The following TGFA variants were observed in gnomAD, a reference collection of about 807,000 sequenced individuals.
The protein encoded by TGFA is protransforming growth factor alpha.
Under a neutral mutation model 21.7 loss-of-function variants are expected in TGFA, and 12 were observed. The observed-to-expected ratio is 0.55, with a 90% CI of 0.35 to 0.90. The LOEUF (loss-of-function observed/expected upper bound fraction) is 0.90, where lower values mean the gene tolerates loss of function less well. Ranked by LOEUF, TGFA falls within the 40% of genes least tolerant of loss-of-function variation. The pLI is 0.01. For synonymous variants in TGFA, 79 were observed against 88.1 expected (o/e 0.90, Z 0.58); for missense variants, 178 against 210.8 (o/e 0.84, Z 0.96).
chr2:70,476,765 A>G (rs1404598884), intron 2 of TGFA, among the ~76,000 whole-genome samples: 1 of 152,228 alleles, frequency 6.6e-6, no homozygotes, highest in Non-Finnish European at 1.5e-5. Flanking sequence ...AAACTGAAGA[A>G]TACAGAGGTA....
At chr2:70,471,584 C>G (rs527928530) in intron 2 of TGFA, among the ~76,000 whole-genome samples, 2 of 152,116 alleles carry the variant, frequency 1.3e-5, no homozygotes, top group African/African-American at 4.8e-5. Context: ...CAAAGAACAC[C>G]CCAAATACCA....
chr2:70,465,179 G>A lies in TGFA; in HGVS notation c.215+437C>T, dbSNP rs142991866. 1.7e-4 allele frequency among the ~76,000 whole-genome samples: 26 copies of A among 152,274 alleles called. 1 individual carries two copies. Among genetic ancestry groups the A allele is most frequent in the African/African-American group, 6.3e-4 (26 of 41,546 alleles). ...ACACTAGCCCTTCACCTGCACTTCTGGCTTGTTTTATGAGCTGGATTGTGA... is the reference window on the plus strand; with the variant it reads ...ACACTAGCCCTTCACCTGCACTTCTAGCTTGTTTTATGAGCTGGATTGTGA... On this transcript the variant is annotated intron_variant, in intron 3 of 5. Transcript: ENST00000295400.
chr2:70,521,609 G>GTTTTTTTTTT lies in TGFA; in HGVS notation c.41-6698_41-6697insAAAAAAAAAA, dbSNP rs797022948. On this transcript the variant is annotated intron_variant, in intron 1 of 5. Coordinates refer to ENST00000295400, the MANE Select transcript of TGFA (RefSeq NM_003236.4). ...ACTATTGATAGTTTTTTTTGTTGTTGTTTGTTTGTTTTTTTTTTTTTTTTT... is the reference window on the plus strand; with the variant it reads ...ACTATTGATAGTTTTTTTTGTTGTTGTTTTTTTTTTTTTGTTTGTTTTTTTTTTTTTTTTT... Among the ~76,000 whole-genome samples the GTTTTTTTTTT allele has an allele frequency of 6.3e-3, 496 of 78,706 alleles. 47 individuals carry two copies. Among genetic ancestry groups the GTTTTTTTTTT allele is most frequent in the East Asian group, 0.011 (28 of 2,502 alleles). The allele number at this position is 78,706 out of a possible 152,430, so 51.6% of individuals were successfully genotyped here.
intron 1 of TGFA, among the ~76,000 whole-genome samples, chr2:70,522,507 T>G (rs944752912): frequency 6.6e-6 from 1 of 152,208 alleles, no homozygotes; most frequent in Non-Finnish European, 1.5e-5. Context: ...TGATCTCAGC[T>G]CACTGCAACC....
Position 70,486,683 on chromosome 2 carries a change from A to G in TGFA, c.95-20947T>C, listed in dbSNP as rs193037022. ...TTGCATGTTGCCTAGACTGGTATCAAACTCTTGAGCTCAAGCTATCTGCCT... is the reference window on the plus strand; with the variant it reads ...TTGCATGTTGCCTAGACTGGTATCAGACTCTTGAGCTCAAGCTATCTGCCT... On this transcript the variant is annotated intron_variant, in intron 2 of 5. Transcript: ENST00000295400. Among the ~76,000 whole-genome samples, 1,090 of 152,132 alleles carry G rather than the reference A, an allele frequency of 7.2e-3. 6 individuals carry two copies. The highest frequency in any genetic ancestry group is 0.011 in the Non-Finnish European group (764 of 67,994).
intron 2 of TGFA, among the ~76,000 whole-genome samples, chr2:70,497,860 T>C (rs1553498558): frequency 6.6e-6 from 1 of 152,238 alleles, no homozygotes; most frequent in African/African-American, 2.4e-5. Flanking sequence ...TGCGCAAATC[T>C]GTATTTTCAC....
intron 1 of TGFA, among the ~76,000 whole-genome samples, chr2:70,518,933 G>T (rs1432194403): frequency 6.6e-6 from 1 of 152,170 alleles, no homozygotes; most frequent in African/African-American, 2.4e-5. Context: ...CACCTGTTTG[G>T]GATCCTCTAA....
At chr2:70,543,838 A>G (rs1474084870) in intron 1 of TGFA, among the ~76,000 whole-genome samples, 8 of 152,240 alleles carry the variant, frequency 5.3e-5, no homozygotes, top group African/African-American at 1.9e-4. Context: ...TTTATTTTAT[A>G]AAGCTGACAT....
At chr2:70,531,349 C>G (rs1206156884) in intron 1 of TGFA, among the ~76,000 whole-genome samples, 3 of 152,176 alleles carry the variant, frequency 2.0e-5, no homozygotes, top group African/African-American at 7.2e-5. Flanking sequence ...GAAGCCAATC[C>G]TGTCTAACAG....
intron 1 of TGFA, among the ~76,000 whole-genome samples, chr2:70,521,301 T>C (rs1672452093): frequency 1.3e-5 from 2 of 152,084 alleles, no homozygotes; most frequent in Non-Finnish European, 2.9e-5. Flanking sequence ...TTCCCTCCTG[T>C]CAGGTCCTCT....
chr2:70,495,086 A>C (rs1553498158), intron 2 of TGFA, among the ~76,000 whole-genome samples: 1 of 152,188 alleles, frequency 6.6e-6, no homozygotes, highest in Non-Finnish European at 1.5e-5. Flanking sequence ...AAGTATTTCA[A>C]TCACCTAGAA....
At chr2:70,458,102 G>T (rs940348209) in intron 3 of TGFA, among the ~76,000 whole-genome samples, 9 of 151,730 alleles carry the variant, frequency 5.9e-5, no homozygotes, top group African/African-American at 2.2e-4. Context: ...CAGGGGCAGG[G>T]TTTTTTTTGT....
At chr2:70,524,119 C>A (rs1672560413) in intron 1 of TGFA, among the ~76,000 whole-genome samples, 1 of 152,344 alleles carries the variant, frequency 6.6e-6, no homozygotes, top group East Asian at 1.9e-4. Context: ...GTATTCTCCC[C>A]AACATGTTAC....
At chr2:70,501,995 T>C (rs1671751619) in intron 2 of TGFA, among the ~76,000 whole-genome samples, 1 of 152,370 alleles carries the variant, frequency 6.6e-6, no homozygotes. Flanking sequence ...TGTGCTTGTG[T>C]GGCAGGTTCT....
At position 70,538,373 on chromosome 2, in the gene TGFA, T is replaced by C. The variant is rs565494317; in HGVS notation, c.40+15355A>G. The stretch of plus-strand genomic sequence containing the variant: ...GACCTACATTTTATAATGCTATTGC[T>C]GCCACAGATTTGTGATTCTGCTGAT... On this transcript the variant is annotated intron_variant, in intron 1 of 5. Coordinates refer to ENST00000295400, the MANE Select transcript of TGFA (RefSeq NM_003236.4). Among the ~76,000 whole-genome samples the C allele has an allele frequency of 9.8e-5, 15 of 152,340 alleles. No individual in the cohort carries two copies. In the South Asian group the frequency reaches 3.1e-3, roughly 32 times the overall value.
chr2:70,456,191 A>G, intron 4 of TGFA, 148 bp downstream of exon 4: 3 of 1,164,592 alleles, frequency 2.6e-6, no homozygotes, highest in Non-Finnish European at 3.6e-6. Flanking sequence ...GCCAACAGTC[A>G]TCAAAGTAGC....
chr2:70,537,031 G>A (rs1672991789), intron 1 of TGFA, among the ~76,000 whole-genome samples: 1 of 144,594 alleles, frequency 6.9e-6, no homozygotes, highest in South Asian at 2.4e-4. Flanking sequence ...AAAGTTTGTG[G>A]CATCTATCCA....
intron 2 of TGFA, among the ~76,000 whole-genome samples, chr2:70,474,786 G>C (rs1006553715): frequency 5.3e-5 from 8 of 152,198 alleles, no homozygotes; most frequent in Admixed American, 6.5e-5. Context: ...ACAAGATGCT[G>C]TAGGGGAAAC....
chr2:70,474,347 A>T (rs1553493788), intron 2 of TGFA, among the ~76,000 whole-genome samples: 1 of 152,222 alleles, frequency 6.6e-6, no homozygotes, highest in Non-Finnish European at 1.5e-5. Context: ...AGCTATAGAA[A>T]ATTAGGATGC....
Sources: allele counts gnomAD v4.1 joint callset (sites outside exome capture counted in the v4.1 genomes callset), GRCh38; gene constraint gnomAD v4.1.1; transcripts MANE v1.5; gene names NCBI Gene and HGNC (gene_info 2026-07-23, HGNC 2026-07-21).